LRRC59: variants seen among roughly 807,000 people sequenced by gnomAD.
LRRC59 encodes leucine-rich repeat-containing protein 59.
A neutral mutation model predicts 33.5 loss-of-function variants in LRRC59; 18 were observed. That is an observed-to-expected ratio of 0.54 (90% CI 0.37 to 0.80). LRRC59 has a LOEUF of 0.80. Ranked by LOEUF, LRRC59 falls within the 30% of genes least tolerant of loss-of-function variation. The probability of loss-of-function intolerance (pLI) is 0.00; values close to 1 mark genes in which losing one functional copy is unlikely to be tolerated. For missense variants in LRRC59, 330 were observed against 391.9 expected (o/e 0.84, Z 1.33); for synonymous variants, 138 against 160.0 (o/e 0.86, Z 1.04).
At chr17:50,384,466 C>T (rs1367018568) in intron 6 of LRRC59, among the ~76,000 whole-genome samples, 1 of 152,126 alleles carries the variant, frequency 6.6e-6, no homozygotes, top group Non-Finnish European at 1.5e-5. Context: ...TACTGTAAGG[C>T]ACTTTTAAGA....
rs552104513 is a variant in LRRC59 at position 50,396,784 on chromosome 17, C to A, written c.105+429G>T. On this transcript the variant is annotated intron_variant, in intron 1 of 6. Transcript: ENST00000225972. ...TCGGGCAGCCAGCTGGAATTGCCAG[C>A]TTCCTAGAAGAGCCAGGTTCTGGGC... 3.6e-3 allele frequency: 790 copies of A among 222,294 alleles called. 5 individuals carry two copies. The highest frequency in any genetic ancestry group is 0.024 in the South Asian group (132 of 5,456). 13.8% of individuals were successfully genotyped at this position (222,294 alleles called of 1,614,324 possible).
At chr17:50,384,617 T>C (rs1598367788) in intron 6 of LRRC59, among the ~76,000 whole-genome samples, 1 of 152,022 alleles carries the variant, frequency 6.6e-6, no homozygotes, top group Admixed American at 6.6e-5. Context: ...AATACAAAAT[T>C]AGCTGGGCGT....
intron 4 of LRRC59, among the ~76,000 whole-genome samples, chr17:50,391,973 C>T: frequency 6.6e-6 from 1 of 152,134 alleles, no homozygotes; most frequent in Middle Eastern, 3.2e-3. Context: ...CCAAGGTGGG[C>T]GAATCATTTG....
At chr17:50,388,220 G>T (rs1164062152) in intron 4 of LRRC59, 88 bp from the exon 5 acceptor site, 5 of 1,202,282 alleles carry the variant, frequency 4.2e-6, no homozygotes, top group Non-Finnish European at 6.2e-6. Flanking sequence ...CAGGCTTCCA[G>T]ATTATCATGG....
At chr17:50,388,265 G>T in intron 4 of LRRC59, 133 bp from the exon 5 acceptor site, 1 of 807,518 alleles carries the variant, frequency 1.2e-6, no homozygotes, top group Non-Finnish European at 2.0e-6. Context: ...TAGGCTGAAT[G>T]TGGTGGCTCA....
At chr17:50,384,312 C>T (rs892458972) in intron 6 of LRRC59, among the ~76,000 whole-genome samples, 1 of 152,030 alleles carries the variant, frequency 6.6e-6, no homozygotes, top group East Asian at 1.9e-4. Context: ...AGGTGTGTGC[C>T]ACTACACTTG....
At chr17:50,391,327 A>T (rs184163971) in intron 4 of LRRC59, among the ~76,000 whole-genome samples, 4 of 152,382 alleles carry the variant, frequency 2.6e-5, no homozygotes, top group Non-Finnish European at 5.9e-5. Context: ...ACAAGATTAT[A>T]TAAGAAGCCC....
In LRRC59 at chr17:50,382,089, C is replaced by T. The variant is rs1567819098; in HGVS notation, c.*899G>A. 6.7e-6 allele frequency: 1 copy of T among 149,972 alleles called. No individual in the cohort carries two copies. Among genetic ancestry groups the T allele is most frequent in the Non-Finnish European group, 1.5e-5 (1 of 68,016 alleles). 9.3% of individuals were successfully genotyped at this position (149,972 alleles called of 1,614,324 possible). A position where few individuals can be genotyped will look rare whatever the true frequency, so the allele number is the denominator to read the frequency against. ...CTTACTGGCAATTAGGGAGTTAATG[C>T]TCTAAAATTAGGCAAGGAGCCTGGA... On this transcript the variant is annotated 3_prime_UTR_variant, in exon 7 of 7. Transcript: ENST00000225972.
In LRRC59 at chr17:50,395,338, C is replaced by T. The variant is rs145354549; in HGVS notation, c.106-350G>A. Reference sequence around the variant, plus strand: ...AGGAGTTTGAGGCCGGCCTGCACAACACAGTGAGACCCCATCTCAAAAAAA... The same window carrying T: ...AGGAGTTTGAGGCCGGCCTGCACAATACAGTGAGACCCCATCTCAAAAAAA... On this transcript the variant is annotated intron_variant, in intron 1 of 6. Transcript: ENST00000225972. 3.3e-3 allele frequency among the ~76,000 whole-genome samples: 452 copies of T among 135,164 alleles called. 4 individuals are homozygous for T. Among genetic ancestry groups the T allele is most frequent in the African/African-American group, 0.012 (433 of 36,076 alleles). The allele number at this position is 135,164 out of a possible 152,430, so 88.7% of individuals were successfully genotyped here.
At chr17:50,384,839 T>TA (rs570434864) in intron 6 of LRRC59, among the ~76,000 whole-genome samples, 10 of 150,948 alleles carry the variant, frequency 6.6e-5, no homozygotes, top group African/African-American at 1.9e-4. Context: ...CCCTCACCTC[T>TA]AAAAAAAAGT....
chr17:50,393,559 C>T lies in LRRC59; in HGVS notation c.166-662G>A, dbSNP rs1033121704. ...GACATTCTGTGAATAACTAACTGAACGGGCTGGGGTCCATCCTACCCAAGT... is the reference window on the plus strand; with the variant it reads ...GACATTCTGTGAATAACTAACTGAATGGGCTGGGGTCCATCCTACCCAAGT... On this transcript the variant is annotated intron_variant, in intron 2 of 6. Coordinates refer to ENST00000225972, the MANE Select transcript of LRRC59 (RefSeq NM_018509.4). 5.9e-5 allele frequency among the ~76,000 whole-genome samples: 9 copies of T among 152,196 alleles called. No homozygotes were observed. The South Asian group carries it at 6.2e-4, about 10-fold the overall frequency.
chr17:50,393,670 C>A (rs1914203040), intron 2 of LRRC59, among the ~76,000 whole-genome samples: 1 of 152,222 alleles, frequency 6.6e-6, no homozygotes, highest in Admixed American at 6.5e-5. Context: ...GGTACAACCT[C>A]AGCTAATGAG....
chr17:50,388,247 A>G (rs949642956), intron 4 of LRRC59, 115 bp from the exon 5 acceptor site: 16 of 969,592 alleles, frequency 1.7e-5, no homozygotes, highest in Middle Eastern at 2.1e-4. Context: ...TGTAGAACTA[A>G]TAAGAGTTAG....
At position 50,397,398 on chromosome 17, in the gene LRRC59, C is replaced by G. The variant is rs1365748506; in HGVS notation, c.-81G>C. 1.8e-6 allele frequency: 2 copies of G among 1,090,058 alleles called. No individual in the cohort carries two copies. Among genetic ancestry groups the G allele is most frequent in the East Asian group, 3.0e-5 (1 of 33,576 alleles). 67.5% of individuals were successfully genotyped at this position (1,090,058 alleles called of 1,614,324 possible). On this transcript the variant is annotated 5_prime_UTR_variant, in exon 1 of 7. Transcript: ENST00000225972. ...GAAATGTCGCTTGTCAGTTCAGCGG[C>G]CCCCCACCCAAACGACGACGCCTGA...
chr17:50,391,216 T>A (rs545064292), intron 4 of LRRC59, among the ~76,000 whole-genome samples: 70 of 152,356 alleles, frequency 4.6e-4, no homozygotes, highest in African/African-American at 1.7e-3. Flanking sequence ...AAAGAGGATT[T>A]CACTGATCAC....
At chr17:50,392,619 G>T in intron 3 of LRRC59, 117 bp from the exon 4 acceptor site, 1 of 1,462,024 alleles carries the variant, frequency 6.8e-7, no homozygotes, top group Non-Finnish European at 9.5e-7. Context: ...CATATAGGGA[G>T]CGCCATCTGA....
chr17:50,395,819 A>C (rs1914259796), intron 1 of LRRC59, among the ~76,000 whole-genome samples: 1 of 152,032 alleles, frequency 6.6e-6, no homozygotes. Context: ...AGGCTGAGGC[A>C]GGAGAATCGC....
Position 50,381,250 on chromosome 17 carries a change from CTTA to C in LRRC59, c.*1735_*1737del, listed in dbSNP as rs1406762668. 6 of 308,112 alleles carry C rather than the reference CTTA, an allele frequency of 1.9e-5. No individual in the cohort carries two copies. Among genetic ancestry groups the C allele is most frequent in the Middle Eastern group, 1.8e-3 (2 of 1,088 alleles). The allele number at this position is 308,112 out of a possible 1,614,324, so 19.1% of individuals were successfully genotyped here. Reference sequence around the variant, plus strand: ...GGAACAAAGACAGTCCACTCAGACACTTATTTAATAACTGTAGAAATCCAAAAG... The same window carrying C: ...GGAACAAAGACAGTCCACTCAGACACTTTAATAACTGTAGAAATCCAAAAG... On this transcript the variant is annotated 3_prime_UTR_variant, in exon 7 of 7. Transcript: ENST00000225972.
chr17:50,395,132 A>T, intron 1 of LRRC59, 144 bp from the exon 2 acceptor site: 1 of 599,606 alleles, frequency 1.7e-6, no homozygotes, highest in Non-Finnish European at 3.1e-6. Flanking sequence ...TGTTCCTGGG[A>T]ATAAGAGGAA....
Sources: gnomAD v4.1 joint callset for allele counts (sites outside exome capture counted in the v4.1 genomes callset) on GRCh38, gnomAD v4.1.1 for gene constraint, MANE v1.5 for transcripts, NCBI Gene and HGNC (gene_info 2026-07-23, HGNC 2026-07-21) for gene names.